The following RPUSD3 variants were observed in gnomAD, a reference collection of about 807,000 sequenced individuals.
RPUSD3 encodes RNA pseudouridine synthase D3.
RPUSD3 carries 36 observed loss-of-function variants against 35.1 expected under a neutral mutation model. The observed-to-expected ratio is 1.02, with a 90% CI of 0.79 to 1.35. The LOEUF is 1.35. Ranked by LOEUF, RPUSD3 falls within the 40% of genes most tolerant of loss-of-function variation. The pLI is 0.00. For synonymous variants in RPUSD3, 202 were observed against 187.8 expected (o/e 1.08, Z -0.62); for missense variants, 486 against 441.9 (o/e 1.10, Z -0.89).
exon 6 of RPUSD3, chr3:9,840,587 G>T (rs1167600865): frequency 6.2e-7 from 1 of 1,613,900 alleles, no homozygotes; most frequent in Admixed American, 1.7e-5. Context: ...CTTCCCCTCA[G>T]AAGCAGCTGG....
exon 1 of RPUSD3, chr3:9,843,909 C>A (rs1011625239): frequency 6.2e-7 from 1 of 1,605,786 alleles, no homozygotes; most frequent in African/African-American, 1.3e-5. Flanking sequence ...GTGCCAAAGC[C>A]TGCGTCCTCG....
Position 9,837,965 on chromosome 3 carries a change from C to T in RPUSD3, c.*51G>A, listed in dbSNP as rs923036648. 4 of 1,502,046 alleles carry T rather than the reference C, an allele frequency of 2.7e-6. No individual in the cohort carries two copies. In the African/African-American group the frequency reaches 5.6e-5, roughly 21 times the overall value. 93.0% of individuals were successfully genotyped at this position (1,502,046 alleles called of 1,614,324 possible). On this transcript the variant is annotated 3_prime_UTR_variant, in exon 9 of 9. Coordinates refer to ENST00000383820, the Ensembl canonical transcript of RPUSD3. ...TCTTAGGTTTGTCTGACTGCAGAGC[C>T]CCCACCCTCACTTTCCAGTGTGTGT...
chr3:9,843,965 C>G (rs764231452), exon 1 of RPUSD3: 1 of 1,608,288 alleles, frequency 6.2e-7, no homozygotes. Context: ...ACTCCAGAAC[C>G]GGCCCAAAAC....
At chr3:9,838,146 G>A in exon 9 of RPUSD3, 1 of 1,612,266 alleles carries the variant, frequency 6.2e-7, no homozygotes, top group South Asian at 1.1e-5. Flanking sequence ...GAGGTGCAAG[G>A]GCAGCTGGGC....
chr3:9,840,562 C>G (rs2082088218), exon 6 of RPUSD3: 2 of 1,614,012 alleles, frequency 1.2e-6, no homozygotes, highest in Non-Finnish European at 1.7e-6. Flanking sequence ...GTTCCAGTTT[C>G]AGGGCAGCCT....
intron 1 of RPUSD3, 56 bp downstream of exon 1, chr3:9,843,834 G>C: frequency 6.4e-7 from 1 of 1,561,966 alleles, no homozygotes; most frequent in Non-Finnish European, 8.7e-7. Context: ...GATCCCGCAC[G>C]TGCCTTCCCC....
At chr3:9,838,240 C>T (rs1483586342) in intron 8 of RPUSD3, 33 bp from the exon 9 acceptor site, 1 of 1,606,764 alleles carries the variant, frequency 6.2e-7, no homozygotes, top group Non-Finnish European at 8.5e-7. Flanking sequence ...TGTTCAGCCC[C>T]ACATTTTCCA....
chr3:9,840,404 A>T (rs1445151871), intron 6 of RPUSD3, 97 bp from the exon 7 acceptor site: 1 of 1,608,884 alleles, frequency 6.2e-7, no homozygotes, highest in South Asian at 1.1e-5. Context: ...GGGCCACAGT[A>T]TAGGCAGTGG....
At position 9,842,418 on chromosome 3, in the gene RPUSD3, A is replaced by C. The variant is rs567600519; in HGVS notation, c.263-175T>G. 41 of 668,080 alleles carry C rather than the reference A, an allele frequency of 6.1e-5. No homozygotes were observed. In the East Asian group the frequency reaches 1.0e-3, roughly 16 times the overall value. The allele number at this position is 668,080 out of a possible 1,614,324, so 41.4% of individuals were successfully genotyped here. A position where few individuals can be genotyped will look rare whatever the true frequency, so the allele number is the denominator to read the frequency against. ...CTTCTTTCTGTTCCTCTGCCACCTC[A>C]GAGCCTCGGCACTTGCTGTTTCCTG... is the stretch of plus-strand genomic sequence containing the variant. On this transcript the variant is annotated intron_variant, in intron 2 of 8. Coordinates refer to ENST00000383820, the Ensembl canonical transcript of RPUSD3.
intron 7 of RPUSD3, chr3:9,839,866 C>T (rs2082077681): frequency 4.5e-6 from 1 of 222,470 alleles, no homozygotes; most frequent in Non-Finnish European, 8.8e-6. Context: ...GCGTGAGCCA[C>T]CGCGCCTGGC....
exon 2 of RPUSD3, chr3:9,843,531 G>T: frequency 6.2e-7 from 1 of 1,613,922 alleles, no homozygotes; most frequent in South Asian, 1.1e-5. Flanking sequence ...TTTTTTGGCA[G>T]CAGCCCCGCG....
chr3:9,838,440 T>TC (rs1368210942), intron 8 of RPUSD3, among the ~76,000 whole-genome samples: 1 of 152,050 alleles, frequency 6.6e-6, no homozygotes, highest in Non-Finnish European at 1.5e-5. Flanking sequence ...ACACCTCAAC[T>TC]CCATTTCCCA....
chr3:9,843,813 T>C (rs1224329907), intron 1 of RPUSD3, 77 bp downstream of exon 1: 1 of 1,553,140 alleles, frequency 6.4e-7, no homozygotes, highest in South Asian at 1.2e-5. Flanking sequence ...GGGTAACATC[T>C]ACCTGATCCA....
rs2082110393 is a variant in RPUSD3 at position 9,841,965 on chromosome 3, G to C, written c.407+18C>G. Reference sequence around the variant, plus strand: ...TGGATGCCTGTACTCCTAGCTTCCTGTCACCCCTACCACTTACTTCCCAGA... The same window carrying C: ...TGGATGCCTGTACTCCTAGCTTCCTCTCACCCCTACCACTTACTTCCCAGA... On this transcript the variant is annotated intron_variant, in intron 4 of 8. Coordinates refer to ENST00000383820, the Ensembl canonical transcript of RPUSD3. 2 of 1,608,028 alleles carry C rather than the reference G, an allele frequency of 1.2e-6. No homozygotes were observed. Among genetic ancestry groups the C allele is most frequent in the Non-Finnish European group, 1.7e-6 (2 of 1,174,980 alleles).
chr3:9,840,852 C>A, intron 4 of RPUSD3, 47 bp from the exon 5 acceptor site: 1 of 1,477,704 alleles, frequency 6.8e-7, no homozygotes, highest in Admixed American at 1.9e-5. Context: ...CTTGAACTCG[C>A]CCACTAAAAA....
At chr3:9,840,273 A>T in exon 7 of RPUSD3, 1 of 1,614,026 alleles carries the variant, frequency 6.2e-7, no homozygotes. Flanking sequence ...ACCTTCCAGG[A>T]TGTCCTTTCG....
chr3:9,837,928 T>C, exon 9 of RPUSD3: 2 of 1,414,360 alleles, frequency 1.4e-6, no homozygotes, highest in Non-Finnish European at 1.9e-6. Context: ...AAGTGGCCTG[T>C]CCAGGATGTG....
At position 9,840,807 on chromosome 3, in the gene RPUSD3, T is replaced by C. The variant is rs1368920002; in HGVS notation, c.408-2A>G. On this transcript the variant is annotated splice_acceptor_variant, in intron 4 of 8. Coordinates refer to ENST00000383820, the Ensembl canonical transcript of RPUSD3. LOFTEE classifies it high-confidence loss of function. ...AGGAGTACAAGCCCAGAGCTTTCTC[T>C]GGAATAAGCAGACAAATCACACAAG... The C allele has an allele frequency of 3.1e-6, 5 of 1,609,888 alleles. No individual in the cohort carries two copies. The African/African-American group carries it at 6.7e-5, about 22-fold the overall frequency.
chr3:9,839,365 G>T (rs2082069886), intron 7 of RPUSD3, 194 bp from the exon 8 acceptor site: 1 of 567,508 alleles, frequency 1.8e-6, no homozygotes, highest in Admixed American at 3.4e-5. Flanking sequence ...CTATCAATCT[G>T]CCTGGCTGTG....
Sources: allele counts gnomAD v4.1 joint callset (sites outside exome capture counted in the v4.1 genomes callset), GRCh38; gene constraint gnomAD v4.1.1; transcripts MANE v1.5; gene names NCBI Gene and HGNC (gene_info 2026-07-23, HGNC 2026-07-21).